TXNRD2: variants seen among roughly 807,000 people sequenced by gnomAD.
The protein encoded by TXNRD2 is thioredoxin reductase 2, mitochondrial.
In TXNRD2, 67 loss-of-function variants were observed where a neutral mutation model predicts 70.8. The observed-to-expected ratio is 0.95, with a 90% CI of 0.78 to 1.16. The LOEUF is 1.16. TXNRD2 is among the 50% of genes most tolerant of loss of function. TXNRD2 has a pLI of 0.00. For synonymous variants in TXNRD2, 301 were observed against 295.8 expected, an observed-to-expected ratio of 1.02 and a Z score of -0.18; for missense variants, 644 against 719.9, an observed-to-expected ratio of 0.89 and a Z score of 1.21.
At chr22:19,879,770 G>C (rs967531581) in intron 14 of TXNRD2, among the ~76,000 whole-genome samples, 1 of 152,116 alleles carries the variant, frequency 6.6e-6, no homozygotes, top group Non-Finnish European at 1.5e-5. Flanking sequence ...TGCTGGAGTG[G>C]GGCCAGTGCT....
At chr22:19,929,587 A>G (rs1405006601) in intron 2 of TXNRD2, among the ~76,000 whole-genome samples, 1 of 152,130 alleles carries the variant, frequency 6.6e-6, no homozygotes, top group Non-Finnish European at 1.5e-5. Context: ...GCACAGAGGG[A>G]CGACAACTGC....
chr22:19,898,945 C>A lies in TXNRD2; in HGVS notation c.682+104G>T, dbSNP rs556515477. On this transcript the variant is annotated intron_variant, in intron 9 of 17. Transcript: ENST00000400521. ...GCCGAGAGGCCCAGTAAGTGCCGAT[C>A]TGAGGCAGCAAAGAGCCTGCCGGAA... 29 of 1,464,232 alleles carry A rather than the reference C, an allele frequency of 2.0e-5. No individual in the cohort carries two copies. The East Asian group carries it at 6.2e-4, about 31-fold the overall frequency. The allele number at this position is 1,464,232 out of a possible 1,614,324, so 90.7% of individuals were successfully genotyped here.
intron 4 of TXNRD2, 98 bp downstream of exon 4, chr22:19,918,762 C>G: frequency 6.8e-7 from 1 of 1,473,066 alleles, no homozygotes; most frequent in Non-Finnish European, 9.4e-7. Context: ...ATCCTACGGC[C>G]CACTCCCCAT....
intron 2 of TXNRD2, among the ~76,000 whole-genome samples, chr22:19,923,584 C>G (rs764732960): frequency 6.6e-6 from 1 of 152,026 alleles, no homozygotes; most frequent in South Asian, 2.1e-4. Context: ...GTCAGGAGTT[C>G]GAGACCAGCC....
At chr22:19,878,276 G>A (rs1427562448) in intron 15 of TXNRD2, 89 bp from the exon 16 acceptor site, 1 of 1,593,610 alleles carries the variant, frequency 6.3e-7, no homozygotes, top group African/African-American at 1.3e-5. Flanking sequence ...TGGGAGGCAT[G>A]GGTGGGGCCA....
rs1174720030 is a variant in TXNRD2, at chr22:19,896,079, C to T, written c.775-498G>A. The stretch of plus-strand genomic sequence containing the variant: ...TTGAGAAGCTGAGGCGGGCGGATCA[C>T]GAGGTCAGGAGATAGAGATCATCCT... On this transcript the variant is annotated intron_variant, in intron 10 of 17. Transcript: ENST00000400521. Among the ~76,000 whole-genome samples, 6 of 152,038 alleles carry T rather than the reference C, an allele frequency of 3.9e-5. No homozygotes were observed. In the East Asian group the frequency reaches 7.8e-4, roughly 20 times the overall value.
At chr22:19,881,153 G>T in intron 12 of TXNRD2, 1 of 439,326 alleles carries the variant, frequency 2.3e-6, no homozygotes, top group South Asian at 7.9e-5. Flanking sequence ...CGTGCAGCTT[G>T]ATCTGCACGT....
chr22:19,905,148 A>AAAAGCCGCATT (rs1355616190), intron 8 of TXNRD2, among the ~76,000 whole-genome samples: 2 of 152,218 alleles, frequency 1.3e-5, no homozygotes, highest in African/African-American at 4.8e-5. Flanking sequence ...AGCGCCGGAC[A>AAAAGCCGCATT]AAAGCCGCAT....
At position 19,898,920 on chromosome 22, in the gene TXNRD2, G is replaced by A. The variant is rs76692419; in HGVS notation, c.682+129C>T. The A allele has an allele frequency of 0.05, 59,649 of 1,183,508 alleles. 1,711 individuals carry two copies. The highest frequency in any genetic ancestry group is 0.061 in the South Asian group (4,753 of 77,738). The allele number at this position is 1,183,508 out of a possible 1,614,324, so 73.3% of individuals were successfully genotyped here. ...TCCCCAGGCACAGTAGATCCTCCAC[G>A]CCGAGAGGCCCAGTAAGTGCCGATC... On this transcript the variant is annotated intron_variant, in intron 9 of 17. Transcript: ENST00000400521.
At chr22:19,937,625 C>T (rs748655049) in intron 1 of TXNRD2, among the ~76,000 whole-genome samples, 4 of 152,274 alleles carry the variant, frequency 2.6e-5, no homozygotes, top group East Asian at 1.9e-4. Flanking sequence ...CCATGAAGCA[C>T]GGCAACCAAA....
intron 11 of TXNRD2, among the ~76,000 whole-genome samples, chr22:19,890,959 C>T (rs939082994): frequency 2.0e-5 from 3 of 152,212 alleles, no homozygotes; most frequent in Non-Finnish European, 2.9e-5. Context: ...GCACCCCAGT[C>T]TCTCTGGCTG....
At chr22:19,939,172 G>C (rs780625961) in intron 1 of TXNRD2, among the ~76,000 whole-genome samples, 1 of 148,614 alleles carries the variant, frequency 6.7e-6, no homozygotes, top group African/African-American at 2.5e-5. Flanking sequence ...AGGAAGAGAC[G>C]TTCGCGTCAG....
At chr22:19,882,854 C>G (rs1279157380) in intron 12 of TXNRD2, among the ~76,000 whole-genome samples, 1 of 152,262 alleles carries the variant, frequency 6.6e-6, no homozygotes, top group Non-Finnish European at 1.5e-5. Context: ...AGCAAAGGAC[C>G]TGCCCCGGTG....
At chr22:19,882,840 TGA>T (rs1045739921) in intron 12 of TXNRD2, among the ~76,000 whole-genome samples, 17 of 152,230 alleles carry the variant, frequency 1.1e-4, no homozygotes, top group African/African-American at 4.1e-4. Flanking sequence ...CAGCAGCAGC[TGA>T]GAGCAAAGGA....
chr22:19,884,552 C>CTG (rs1360521869), intron 11 of TXNRD2: 1 of 152,352 alleles, frequency 6.6e-6, no homozygotes, highest in Non-Finnish European at 1.5e-5. Flanking sequence ...CTCCCTGCAT[C>CTG]TGTCTGCAGC....
intron 8 of TXNRD2, among the ~76,000 whole-genome samples, chr22:19,907,173 G>A (rs1276382135): frequency 2.3e-5 from 2 of 87,268 alleles, no homozygotes; most frequent in African/African-American, 4.6e-5. Flanking sequence ...GGAGAGTGTG[G>A]GCGCACCATG....
chr22:19,912,543 C>T (rs1398011792), intron 7 of TXNRD2, among the ~76,000 whole-genome samples: 3 of 152,244 alleles, frequency 2.0e-5, no homozygotes, highest in Admixed American at 1.3e-4. Context: ...TGCCTGGGGC[C>T]TCAGAGAAAC....
At chr22:19,875,889 G>C (rs1706332254) in intron 17 of TXNRD2, 82 bp from the exon 18 acceptor site, 2 of 152,226 alleles carry the variant, frequency 1.3e-5, no homozygotes, top group African/African-American at 4.8e-5. Flanking sequence ...GCCACACCCA[G>C]GGACCCCCAA....
At chr22:19,917,713 T>C (rs1440424989) in intron 5 of TXNRD2, among the ~76,000 whole-genome samples, 1 of 152,082 alleles carries the variant, frequency 6.6e-6, no homozygotes, top group African/African-American at 2.4e-5. Flanking sequence ...AGCACCAAGC[T>C]CCTGCACCCA....
Sources: allele counts gnomAD v4.1 joint callset (sites outside exome capture counted in the v4.1 genomes callset), GRCh38; gene constraint gnomAD v4.1.1; transcripts MANE v1.5; gene names NCBI Gene and HGNC (gene_info 2026-07-23, HGNC 2026-07-21).